Variants in PCLO observed in about 807,000 individuals in gnomAD.
The protein encoded by PCLO is piccolo presynaptic cytomatrix protein.
PCLO carries 82 observed loss-of-function variants against 427.5 expected under a neutral mutation model. The ratio of observed to expected loss-of-function variants is 0.19; its 90% confidence interval spans 0.16 to 0.23. The LOEUF (loss-of-function observed/expected upper bound fraction) is 0.23, where lower values mean the gene tolerates loss of function less well. PCLO is among the 10% of genes least tolerant of loss of function. The pLI is 1.00. For synonymous variants in PCLO, 2,357 were observed against 2,155.4 expected (o/e 1.09, Z -2.59); for missense variants, 6,239 against 6,115.9 (o/e 1.02, Z -0.67).
intron 3 of PCLO, among the ~76,000 whole-genome samples, chr7:83,040,801 G>A (rs141873279): frequency 6.6e-6 from 1 of 152,210 alleles, no homozygotes; most frequent in African/African-American, 2.4e-5. Context: ...CTCCCCCGCA[G>A]GCAAAATCTC....
intron 3 of PCLO, among the ~76,000 whole-genome samples, chr7:82,979,161 C>T (rs1796091843): frequency 6.6e-6 from 1 of 152,008 alleles, no homozygotes; most frequent in Non-Finnish European, 1.5e-5. Flanking sequence ...TGTTTATAGA[C>T]TTCAGAATCC....
chr7:82,884,818 T>G (rs1320484098), intron 9 of PCLO, among the ~76,000 whole-genome samples: 1 of 152,126 alleles, frequency 6.6e-6, no homozygotes. Context: ...AATTCTTTTT[T>G]TTTTTGAGAA....
intron 3 of PCLO, among the ~76,000 whole-genome samples, chr7:82,974,136 T>C (rs540632743): frequency 5.9e-5 from 9 of 152,250 alleles, no homozygotes; most frequent in Admixed American, 1.3e-4. Context: ...TCTGTAATCC[T>C]AGCACTTTGG....
intron 3 of PCLO, among the ~76,000 whole-genome samples, chr7:82,995,023 A>C (rs761035061): frequency 1.3e-5 from 2 of 152,006 alleles, no homozygotes; most frequent in Admixed American, 6.6e-5. Context: ...TTGTAAAGGC[A>C]ATGTTTAGGC....
intron 1 of PCLO, among the ~76,000 whole-genome samples, chr7:83,158,817 G>C (rs985358130): frequency 6.6e-6 from 1 of 151,922 alleles, no homozygotes; most frequent in East Asian, 1.9e-4. Flanking sequence ...TTTAAACTTA[G>C]TTAGTTGCTA....
chr7:82,956,549 G>A lies in PCLO; in HGVS notation c.4404C>T (p.Ile1468=). 1 of 1,612,426 alleles carries A rather than the reference G, an allele frequency of 6.2e-7. No individual in the cohort carries two copies. The highest frequency in any genetic ancestry group is 1.1e-5 in the South Asian group (1 of 90,882). Residue 1468 remains isoleucine (I), a synonymous_variant, in exon 5 of 25, where the codon ATC becomes ATT. Coordinates refer to ENST00000333891, the MANE Select transcript of PCLO (RefSeq NM_033026.6). ...TLEITISEEE[I]KESQEERKDT... is the part of the protein sequence containing the mutation. The stretch of plus-strand genomic sequence containing the variant: ...CTTTCCTTTCTTCTTGACTCTCTTT[G>A]ATCTCCTCTTCTGAAATAGTAATTT...
chr7:82,994,404 G>T (rs990677737), intron 3 of PCLO, among the ~76,000 whole-genome samples: 1 of 151,880 alleles, frequency 6.6e-6, no homozygotes, highest in South Asian at 2.1e-4. Context: ...AGGAAGTGAC[G>T]TAAGAGCTAA....
chr7:83,002,961 T>C (rs1044956182), intron 3 of PCLO, among the ~76,000 whole-genome samples: 4 of 151,690 alleles, frequency 2.6e-5, no homozygotes, highest in African/African-American at 9.7e-5. Context: ...CTGCAAATGT[T>C]TTTTCATTTG....
intron 6 of PCLO, among the ~76,000 whole-genome samples, chr7:82,922,485 G>C (rs1030977758): frequency 1.3e-5 from 2 of 152,010 alleles, no homozygotes; most frequent in African/African-American, 4.8e-5. Context: ...ATTAATACAG[G>C]AACAGAAAAC....
At chr7:82,933,917 A>C (rs1240483304) in intron 6 of PCLO, among the ~76,000 whole-genome samples, 1 of 151,912 alleles carries the variant, frequency 6.6e-6, no homozygotes, top group Non-Finnish European at 1.5e-5. Flanking sequence ...ATCTCTAATG[A>C]TAGAATGTCA....
At chr7:82,913,553 GA>G (rs201556467) in intron 7 of PCLO, among the ~76,000 whole-genome samples, 4 of 150,100 alleles carry the variant, frequency 2.7e-5, no homozygotes, top group African/African-American at 4.9e-5. Flanking sequence ...CAAAGGAGGT[GA>G]AAAAAAAAGG....
chr7:82,788,394 C>G (rs1016992164), intron 22 of PCLO, among the ~76,000 whole-genome samples: 33 of 151,608 alleles, frequency 2.2e-4, no homozygotes, highest in Non-Finnish European at 4.1e-4. Flanking sequence ...CTGCCTTACT[C>G]TAGAAGATGT....
At chr7:82,852,061 G>A (rs1041728253) in intron 10 of PCLO, among the ~76,000 whole-genome samples, 8 of 151,760 alleles carry the variant, frequency 5.3e-5, no homozygotes, top group African/African-American at 1.2e-4. Context: ...AAGAAAGGAA[G>A]GAGTAAAAAG....
chr7:82,987,766 A>C (rs995466484), intron 3 of PCLO, among the ~76,000 whole-genome samples: 2 of 152,142 alleles, frequency 1.3e-5, no homozygotes, highest in Admixed American at 6.6e-5. Context: ...GTTAATGCTT[A>C]AATATGAAAT....
chr7:83,152,125 C>T (rs1454747185), intron 2 of PCLO, among the ~76,000 whole-genome samples: 14 of 151,854 alleles, frequency 9.2e-5, no homozygotes, highest in East Asian at 1.9e-4. Context: ...CCACCACGCC[C>T]GGCTAATTTT....
intron 10 of PCLO, among the ~76,000 whole-genome samples, chr7:82,850,012 AT>A (rs11330747): frequency 0.042 from 2,646 of 63,242 alleles, 90 homozygotes; most frequent in African/African-American, 0.087. Context: ...TATTATTATT[AT>A]TTATTTATTT....
intron 1 of PCLO, among the ~76,000 whole-genome samples, chr7:83,156,895 T>C (rs1792316636): frequency 6.6e-6 from 1 of 152,188 alleles, no homozygotes; most frequent in Admixed American, 6.5e-5. Flanking sequence ...TTTTTAAATA[T>C]AGGAGTCTGC....
At chr7:82,987,669 A>C (rs186284565) in intron 3 of PCLO, among the ~76,000 whole-genome samples, 20 of 152,264 alleles carry the variant, frequency 1.3e-4, no homozygotes, top group Admixed American at 4.6e-4. Flanking sequence ...CTAGAATTTC[A>C]CAGAAAAAAA....
chr7:83,038,065 T>TTTATA (rs1349804565), intron 3 of PCLO, among the ~76,000 whole-genome samples: 1 of 31,558 alleles, frequency 3.2e-5, no homozygotes, highest in African/African-American at 1.4e-4. Context: ...ATATATATAT[T>TTTATA]TATATATTTA....
Sources: allele counts gnomAD v4.1 joint callset (sites outside exome capture counted in the v4.1 genomes callset), GRCh38; gene constraint gnomAD v4.1.1; transcripts MANE v1.5; gene names NCBI Gene and HGNC (gene_info 2026-07-23, HGNC 2026-07-21).